Variants in STRADA observed in about 807,000 individuals in gnomAD.
STRADA encodes the protein STE20-related kinase adapter protein alpha.
A neutral mutation model predicts 55.0 loss-of-function variants in STRADA; 26 were observed. That is an observed-to-expected ratio of 0.47 (90% CI 0.35 to 0.66). The LOEUF (loss-of-function observed/expected upper bound fraction) is 0.66, where lower values mean the gene tolerates loss of function less well. Among genes scored for constraint, STRADA ranks in the 30% least tolerant of loss-of-function variants. The probability of loss-of-function intolerance (pLI) is 0.01; values close to 1 mark genes in which losing one functional copy is unlikely to be tolerated. For missense variants in STRADA, 443 were observed against 549.7 expected (o/e 0.81, Z 1.94); for synonymous variants, 197 against 210.9 (o/e 0.93, Z 0.57).
Position 63,710,795 on chromosome 17 carries a change from G to A in STRADA, c.390C>T (p.Ile130=), listed in dbSNP as rs764868771. 1.4e-5 allele frequency: 22 copies of A among 1,614,054 alleles called. No individual in the cohort carries two copies. The East Asian group carries it at 2.2e-4, about 16-fold the overall frequency. ...HVSKLFNHPN[I]VPYRATFIAD... Reference sequence around the variant, plus strand: ...CAATAAAAGTGGCTCGATATGGCACGATATTGGGATGGTTGAAGAGTTTGG... The same window carrying A: ...CAATAAAAGTGGCTCGATATGGCACAATATTGGGATGGTTGAAGAGTTTGG... Residue 130 remains isoleucine (I), a synonymous_variant, in exon 7 of 13, where the codon ATC becomes ATT. Transcript: ENST00000336174.
intron 8 of STRADA, among the ~76,000 whole-genome samples, chr17:63,710,049 T>TTTC (rs1410728126): frequency 6.6e-6 from 1 of 151,060 alleles, no homozygotes; most frequent in East Asian, 1.9e-4. Context: ...TTTTTTTTTT[T>TTTC]TTCAGACAAG....
intron 4 of STRADA, chr17:63,715,359 G>A (rs749192684): frequency 5.3e-5 from 8 of 152,178 alleles, no homozygotes; most frequent in Admixed American, 5.2e-4. Context: ...AAATCAAAAC[G>A]TGAGTACATG....
At chr17:63,739,770 A>ATGTACATATATTATATC (rs1348663984) in intron 1 of STRADA, among the ~76,000 whole-genome samples, 2 of 109,042 alleles carry the variant, frequency 1.8e-5, no homozygotes, top group African/African-American at 7.7e-5. Flanking sequence ...TTATGTATAT[A>ATGTACATATATTATATC]TGTACATATA....
intron 8 of STRADA, 74 bp from the exon 9 acceptor site, chr17:63,707,492 C>T: frequency 7.0e-7 from 1 of 1,438,136 alleles, no homozygotes; most frequent in South Asian, 1.2e-5. Context: ...TTCACACACT[C>T]CACCTGGCCA....
intron 3 of STRADA, among the ~76,000 whole-genome samples, chr17:63,724,446 CTT>C (rs200012223): frequency 1.4e-5 from 2 of 140,256 alleles, no homozygotes; most frequent in Non-Finnish European, 1.6e-5. Context: ...CCTGGCCTAC[CTT>C]TTTTTTTTTT....
At chr17:63,740,107 T>TATAA (rs1309095081) in intron 1 of STRADA, among the ~76,000 whole-genome samples, 1 of 49,648 alleles carries the variant, frequency 2.0e-5, no homozygotes, top group Non-Finnish European at 3.7e-5. Context: ...TATATATATA[T>TATAA]ACATACATAC....
chr17:63,717,664 A>G (rs1185002265), intron 4 of STRADA, among the ~76,000 whole-genome samples: 1 of 151,986 alleles, frequency 6.6e-6, no homozygotes, highest in Non-Finnish European at 1.5e-5. Context: ...TTTAGTAGAG[A>G]CAGGGTTTCA....
intron 1 of STRADA, among the ~76,000 whole-genome samples, chr17:63,730,452 G>A (rs2037958488): frequency 6.6e-6 from 1 of 150,974 alleles, no homozygotes; most frequent in Admixed American, 6.6e-5. Flanking sequence ...CTGGAGTGCA[G>A]TGATGTGATC....
At chr17:63,728,540 T>C (rs1425803204) in intron 1 of STRADA, 127 bp from the exon 2 acceptor site, 1 of 531,628 alleles carries the variant, frequency 1.9e-6, no homozygotes, top group African/African-American at 2.0e-5. Flanking sequence ...AATTGCTAGA[T>C]TTGTTTAGAG....
intron 1 of STRADA, 106 bp from the exon 2 acceptor site, chr17:63,728,519 CT>C (rs1390603336): frequency 1.7e-5 from 10 of 572,742 alleles, no homozygotes; most frequent in Admixed American, 3.5e-5. Flanking sequence ...AAGCACTGGA[CT>C]TCACCTATAA....
At chr17:63,726,725 T>C (rs754747312) in intron 2 of STRADA, 30 bp from the exon 3 acceptor site, 1 of 1,611,810 alleles carries the variant, frequency 6.2e-7, no homozygotes, top group African/African-American at 1.3e-5. Flanking sequence ...AGAGAATTAG[T>C]ATTTCTTCCA....
chr17:63,703,094 G>A lies in STRADA; in HGVS notation c.*505C>T, dbSNP rs978540885. Reference sequence around the variant, plus strand: ...TCCAGCCTTAGTCTGTGCTTAAAAAGACAGAAATGCCCTTCTCTGGAATTA... The same window carrying A: ...TCCAGCCTTAGTCTGTGCTTAAAAAAACAGAAATGCCCTTCTCTGGAATTA... On this transcript the variant is annotated 3_prime_UTR_variant, in exon 13 of 13. Coordinates refer to ENST00000336174, the MANE Select transcript of STRADA (RefSeq NM_001003787.4). 3.1e-5 allele frequency: 5 copies of A among 158,814 alleles called. No individual in the cohort carries two copies. The highest frequency in any genetic ancestry group is 1.2e-4 in the African/African-American group (5 of 41,458). 9.8% of individuals were successfully genotyped at this position (158,814 alleles called of 1,614,324 possible).
At chr17:63,723,382 C>T in intron 3 of STRADA, 56 bp from the exon 4 acceptor site, 1 of 1,594,850 alleles carries the variant, frequency 6.3e-7, no homozygotes. Context: ...GACACACCCA[C>T]ATTCAGAACA....
chr17:63,739,098 G>A (rs976546828), intron 1 of STRADA, among the ~76,000 whole-genome samples: 4 of 136,856 alleles, frequency 2.9e-5, no homozygotes, highest in Non-Finnish European at 6.1e-5. Context: ...GCAAGACCGT[G>A]CCACTGCACT....
intron 1 of STRADA, among the ~76,000 whole-genome samples, chr17:63,728,637 G>T (rs528843181): frequency 6.6e-6 from 1 of 150,872 alleles, no homozygotes; most frequent in African/African-American, 2.4e-5. Flanking sequence ...GGTGGTTCAC[G>T]TCTGTAATCC....
At chr17:63,717,129 T>C (rs1473648448) in intron 4 of STRADA, 1 of 152,208 alleles carries the variant, frequency 6.6e-6, no homozygotes, top group African/African-American at 2.4e-5. Flanking sequence ...CCTCCTTCTA[T>C]TGCTCTCTAC....
chr17:63,704,995 G>T, intron 10 of STRADA: 1 of 1,254,028 alleles, frequency 8.0e-7, no homozygotes, highest in Non-Finnish European at 1.1e-6. Context: ...CTGAGAGGCA[G>T]TCCCTGCAGT....
rs1392926889 is a variant in STRADA at position 63,706,483 on chromosome 17, T to C, written c.858+152A>G. 6.2e-6 allele frequency: 4 copies of C among 644,416 alleles called. No homozygotes were observed. The African/African-American group carries it at 7.3e-5, about 12-fold the overall frequency. 39.9% of individuals were successfully genotyped at this position (644,416 alleles called of 1,614,324 possible). A position where few individuals can be genotyped will look rare whatever the true frequency, so the allele number is the denominator to read the frequency against. On this transcript the variant is annotated intron_variant, in intron 10 of 12. Transcript: ENST00000336174. The stretch of plus-strand genomic sequence containing the variant: ...CACAGGAAGTAAACAAAGAGTGAGG[T>C]CACTATCCCCCACTGGGTGGGACTT...
At chr17:63,714,264 C>T (rs2036709994) in intron 4 of STRADA, 156 bp from the exon 5 acceptor site, 1 of 640,886 alleles carries the variant, frequency 1.6e-6, no homozygotes. Flanking sequence ...AAACAAAACA[C>T]TACATTCAGG....
Sources: allele counts gnomAD v4.1 joint callset (sites outside exome capture counted in the v4.1 genomes callset), GRCh38; gene constraint gnomAD v4.1.1; transcripts MANE v1.5; gene names NCBI Gene and HGNC (gene_info 2026-07-23, HGNC 2026-07-21).